The following ALK variants were observed in gnomAD, a reference collection of about 807,000 sequenced individuals.
The protein encoded by ALK is ALK tyrosine kinase receptor.
Under a neutral mutation model 163.1 loss-of-function variants are expected in ALK, and 74 were observed. The ratio of observed to expected loss-of-function variants is 0.45; its 90% CI spans 0.38 to 0.55. The LOEUF (loss-of-function observed/expected upper bound fraction) is 0.55, where lower values mean the gene tolerates loss of function less well. Among genes scored for constraint, ALK ranks in the 20% least tolerant of loss-of-function variants. The pLI is 0.00. For missense variants in ALK, 2,063 were observed against 2,105.3 expected (o/e 0.98, Z 0.39); for synonymous variants, 960 against 843.2 (o/e 1.14, Z -2.40).
At chr2:29,867,526 C>T (rs1666465819) in intron 1 of ALK, among the ~76,000 whole-genome samples, 1 of 152,112 alleles carries the variant, frequency 6.6e-6, no homozygotes, top group Non-Finnish European at 1.5e-5. Context: ...GCAACAAGAC[C>T]GTTTTGTCTC....
At chr2:29,564,585 T>C (rs912847946) in intron 3 of ALK, among the ~76,000 whole-genome samples, 9 of 152,222 alleles carry the variant, frequency 5.9e-5, no homozygotes, top group African/African-American at 2.2e-4. Context: ...CAACCTGCCC[T>C]CTCATCCACT....
At chr2:29,705,287 A>G (rs142726608) in intron 2 of ALK, among the ~76,000 whole-genome samples, 7 of 117,674 alleles carry the variant, frequency 5.9e-5, no homozygotes, top group Non-Finnish European at 3.6e-5. Flanking sequence ...ATATAAATAT[A>G]TATCTGCTGT....
In ALK at chr2:29,246,238, G is replaced by A. The variant is rs1456126601; in HGVS notation, c.2204+4867C>T. Among the ~76,000 whole-genome samples the A allele has an allele frequency of 1.3e-5, 2 of 151,832 alleles. No homozygotes were observed. Among genetic ancestry groups the A allele is most frequent in the Non-Finnish European group, 2.9e-5 (2 of 67,946 alleles). ...TGGAGGGGGAGAGAGGGAAGAAGGA[G>A]GAAAGAAGTCAGGGAGAGAGAGGGG... On this transcript the variant is annotated intron_variant, in intron 12 of 28. Coordinates refer to ENST00000389048, the MANE Select transcript of ALK (RefSeq NM_004304.5). This position sits in a 1 kb window ranked among gnomAD's most constrained non-coding sequence, Gnocchi z 4.3.
chr2:29,803,707 C>T (rs143641940), intron 1 of ALK, among the ~76,000 whole-genome samples: 1,756 of 152,250 alleles, frequency 0.012, 23 homozygotes, highest in South Asian at 0.023. Flanking sequence ...AACATTGTCT[C>T]GGCTTGTCTA....
At chr2:29,659,856 TTGTCTGC>T (rs1677299168) in intron 3 of ALK, among the ~76,000 whole-genome samples, 2 of 152,174 alleles carry the variant, frequency 1.3e-5, no homozygotes, top group Admixed American at 1.3e-4. Context: ...CCTTCTCTTC[TTGTCTGC>T]TGTACTTTAC....
chr2:29,582,478 T>C (rs1399158300), intron 3 of ALK, among the ~76,000 whole-genome samples: 2 of 152,234 alleles, frequency 1.3e-5, no homozygotes, highest in Non-Finnish European at 2.9e-5. Context: ...GTGCCATGGA[T>C]GTGACAGATT....
At chr2:29,697,075 A>AAATAAAAT (rs2148291850) in intron 2 of ALK, among the ~76,000 whole-genome samples, 1 of 152,098 alleles carries the variant, frequency 6.6e-6, no homozygotes, top group African/African-American at 2.4e-5. Flanking sequence ...GTAAAATAAA[A>AAATAAAAT]AATAAAATAA....
chr2:29,752,670 C>G (rs541116256), intron 1 of ALK, among the ~76,000 whole-genome samples: 3 of 152,252 alleles, frequency 2.0e-5, no homozygotes, highest in East Asian at 1.9e-4. Flanking sequence ...TTTCAACTTA[C>G]GATGGGTTCA....
intron 1 of ALK, among the ~76,000 whole-genome samples, chr2:29,757,479 G>A (rs1002563251): frequency 6.6e-6 from 1 of 152,138 alleles, no homozygotes. Context: ...TGTAAGGAAG[G>A]TTACCAAGTA....
chr2:29,642,590 G>A (rs4665478), intron 3 of ALK, among the ~76,000 whole-genome samples: 93,582 of 151,454 alleles, frequency 0.62, 29,797 homozygotes, highest in East Asian at 0.72. Context: ...TCTTCTCAGG[G>A]GCATTAAATA....
chr2:29,785,919 ACACACACACACACACAC>A (rs1664002967), intron 1 of ALK, among the ~76,000 whole-genome samples: 2 of 3,892 alleles, frequency 5.1e-4, no homozygotes, highest in Non-Finnish European at 0.014. Context: ...GTATACACAC[ACACACACACACACACAC>A]ACACACACAC....
chr2:29,802,356 G>A (rs1161958227), intron 1 of ALK, among the ~76,000 whole-genome samples: 2 of 1,026 alleles, frequency 1.9e-3, no homozygotes, highest in African/African-American at 5.5e-3. Context: ...GGGGAGGGGA[G>A]GGCAGGGGAG....
intron 5 of ALK, among the ~76,000 whole-genome samples, chr2:29,368,331 G>A (rs2148291285): frequency 6.6e-6 from 1 of 152,306 alleles, no homozygotes; most frequent in East Asian, 1.9e-4. Context: ...TCAAATGGTG[G>A]CTGTGTGACT....
At chr2:29,838,544 G>A in intron 1 of ALK, among the ~76,000 whole-genome samples, 1 of 152,074 alleles carries the variant, frequency 6.6e-6, no homozygotes, top group East Asian at 1.9e-4. Context: ...ACAGGAGAAT[G>A]CACAAACTAA....
intron 1 of ALK, among the ~76,000 whole-genome samples, chr2:29,804,562 G>T (rs1027300046): frequency 6.6e-6 from 1 of 152,224 alleles, no homozygotes; most frequent in Non-Finnish European, 1.5e-5. Context: ...AGCCATCATA[G>T]CTCACTTACC....
At chr2:29,343,883 C>G (rs536082197) in intron 5 of ALK, among the ~76,000 whole-genome samples, 22 of 152,308 alleles carry the variant, frequency 1.4e-4, no homozygotes, top group Non-Finnish European at 2.8e-4. Context: ...AAGTCTTTCT[C>G]AAACACCAGG....
chr2:29,197,527 C>T lies in ALK; in HGVS notation c.4073+15G>A, dbSNP rs1238033499. The T allele has an allele frequency of 1.9e-6, 3 of 1,613,016 alleles. No individual in the cohort carries two copies. In the East Asian group the frequency reaches 6.7e-5, roughly 36 times the overall value. ...TGCTTAGTAACTAGCAGAAGTGTTC[C>T]TAAAAGAGTCATACACAGGCCCAGG... On this transcript the variant is annotated intron_variant, in intron 27 of 28. Coordinates refer to ENST00000389048, the MANE Select transcript of ALK (RefSeq NM_004304.5).
intron 1 of ALK, among the ~76,000 whole-genome samples, chr2:29,852,536 A>T (rs2148401672): frequency 6.6e-6 from 1 of 152,284 alleles, no homozygotes; most frequent in East Asian, 1.9e-4. Context: ...TTGGAATTGG[A>T]TAAGCAGCCT....
intron 9 of ALK, among the ~76,000 whole-genome samples, chr2:29,296,223 A>C (rs1371894496): frequency 2.0e-5 from 3 of 152,246 alleles, no homozygotes; most frequent in African/African-American, 7.2e-5. Flanking sequence ...GCCATTAGTG[A>C]TAGAGCCCAA....
Sources: allele counts gnomAD v4.1 joint callset (sites outside exome capture counted in the v4.1 genomes callset), GRCh38; gene constraint gnomAD v4.1.1; non-coding constraint Gnocchi (gnomAD v3.1); transcripts MANE v1.5; gene names NCBI Gene and HGNC (gene_info 2026-07-23, HGNC 2026-07-21).